TCF7L1: variants seen among roughly 807,000 people sequenced by gnomAD.
TCF7L1 encodes transcription factor 7 like 1.
In TCF7L1, 18 loss-of-function variants were observed where a neutral mutation model predicts 63.7. The ratio of observed to expected loss-of-function variants is 0.28; its 90% confidence interval spans 0.20 to 0.42. The LOEUF (loss-of-function observed/expected upper bound fraction) is 0.42, where lower values mean the gene tolerates loss of function less well. Among genes scored for constraint, TCF7L1 ranks in the 10% least tolerant of loss-of-function variants. The pLI is 1.00. For missense variants in TCF7L1, 654 were observed against 779.3 expected (o/e 0.84, Z 1.91); for synonymous variants, 355 against 340.9 (o/e 1.04, Z -0.46).
rs750953903 is a variant in TCF7L1, at chr2:85,302,582, C to T, written c.624C>T (p.Pro208=). Residue 208 remains proline, a synonymous_variant, in exon 5 of 12, where the codon CCC becomes CCT. Transcript: ENST00000282111. ...ACCACTTCTCCCCCGGCTCCCCTCC[C>T]ACCCACCTCTCCCCAGAGATCGATC... ...SNDHFSPGSP[P]THLSPEIDPK... 1 of 1,610,740 alleles carries T rather than the reference C, an allele frequency of 6.2e-7. No homozygotes were observed. The highest frequency in any genetic ancestry group is 1.1e-5 in the South Asian group (1 of 91,012).
intron 3 of TCF7L1, among the ~76,000 whole-genome samples, chr2:85,222,433 G>T (rs2104302381): frequency 1.3e-5 from 2 of 151,806 alleles, no homozygotes; most frequent in Admixed American, 1.3e-4. Context: ...ACTTTGGGAG[G>T]CCACGGTGTG....
chr2:85,193,968 TA>T (rs61625799), intron 3 of TCF7L1, among the ~76,000 whole-genome samples: 7,409 of 145,650 alleles, frequency 0.051, 204 homozygotes, highest in Middle Eastern at 0.055. Context: ...TTTAAAAGTT[TA>T]AAAAAAAAAA....
At chr2:85,308,898 T>C (rs959543623) in intron 11 of TCF7L1, 131 bp from the exon 12 acceptor site, 1 of 1,045,642 alleles carries the variant, frequency 9.6e-7, no homozygotes, top group Non-Finnish European at 1.4e-6. Context: ...TTGAAAGCCT[T>C]GGAAGTAATG....
At chr2:85,287,665 C>T (rs995465302) in intron 4 of TCF7L1, among the ~76,000 whole-genome samples, 2 of 152,144 alleles carry the variant, frequency 1.3e-5, no homozygotes, top group Non-Finnish European at 2.9e-5. Flanking sequence ...ACACAGGCCT[C>T]AAAAACTTAA....
chr2:85,291,501 C>T (rs1384704025), intron 4 of TCF7L1, among the ~76,000 whole-genome samples: 2 of 152,160 alleles, frequency 1.3e-5, no homozygotes, highest in South Asian at 2.1e-4. Context: ...ACCGGAAGCA[C>T]CTTTAACATC....
chr2:85,306,662 ATTTTC>A lies in TCF7L1; in HGVS notation c.1257+108_1257+112del. 1.1e-6 allele frequency: 1 copy of A among 944,778 alleles called. No individual in the cohort carries two copies. The highest frequency in any genetic ancestry group is 3.4e-4 in the Middle Eastern group (1 of 2,922). The allele number at this position is 944,778 out of a possible 1,614,324, so 58.5% of individuals were successfully genotyped here. A position where few individuals can be genotyped will look rare whatever the true frequency, so the allele number is the denominator to read the frequency against. ...AACTGCATTTATTTTTATTTATTTTATTTTCTTTTATTTTTTGAGACAGAGGCTCA... is the reference window on the plus strand; with the variant it reads ...AACTGCATTTATTTTTATTTATTTTATTTTATTTTTTGAGACAGAGGCTCA... On this transcript the variant is annotated intron_variant, in intron 10 of 11. Transcript: ENST00000282111. This position sits in a 1 kb window ranked among gnomAD's most constrained non-coding sequence, Gnocchi z 4.3.
At chr2:85,192,401 T>A (rs2568208) in intron 3 of TCF7L1, among the ~76,000 whole-genome samples, 42,786 of 152,036 alleles carry the variant, frequency 0.28, 6,406 homozygotes, top group Non-Finnish European at 0.35. Flanking sequence ...ATTTTTTTTT[T>A]ATTTATTTTT....
At chr2:85,166,233 C>T (rs1269427291) in intron 3 of TCF7L1, among the ~76,000 whole-genome samples, 7 of 152,174 alleles carry the variant, frequency 4.6e-5, no homozygotes, top group Admixed American at 3.3e-4. Flanking sequence ...GCTAGGTGGG[C>T]TATTATTTAC....
intron 7 of TCF7L1, 151 bp downstream of exon 7, chr2:85,304,489 C>T (rs1162890904): frequency 2.9e-5 from 20 of 691,802 alleles, no homozygotes; most frequent in South Asian, 3.8e-5. Context: ...TCACGTCCCG[C>T]GCTCCCCACC....
Position 85,299,860 on chromosome 2 carries a change from AACACAC to A in TCF7L1, c.526-2585_526-2580del, listed in dbSNP as rs61569778. Among the ~76,000 whole-genome samples, 177 of 92,762 alleles carry A rather than the reference AACACAC, an allele frequency of 1.9e-3. 2 individuals carry two copies. The highest frequency in any genetic ancestry group is 6.3e-3 in the Middle Eastern group (1 of 160). The allele number at this position is 92,762 out of a possible 152,430, so 60.9% of individuals were successfully genotyped here. On this transcript the variant is annotated intron_variant, in intron 4 of 11. Transcript: ENST00000282111. ...GGCAACAGAGCGAGACCTTGTCTCAAACACACACACACACACACACACACACACACA... is the reference window on the plus strand; with the variant it reads ...GGCAACAGAGCGAGACCTTGTCTCAAACACACACACACACACACACACACA...
At chr2:85,229,046 A>AAAAG (rs1680017107) in intron 3 of TCF7L1, among the ~76,000 whole-genome samples, 1 of 132,826 alleles carries the variant, frequency 7.5e-6, no homozygotes, top group Admixed American at 7.7e-5. Flanking sequence ...AAAAGAAAGG[A>AAAAG]AAAGAAATTA....
chr2:85,148,435 A>G (rs952510522), intron 3 of TCF7L1, among the ~76,000 whole-genome samples: 2 of 152,172 alleles, frequency 1.3e-5, no homozygotes, highest in African/African-American at 4.8e-5. Flanking sequence ...TTTGCAGAGC[A>G]CTGAATCCCA....
chr2:85,196,096 G>GC (rs1039466988), intron 3 of TCF7L1, among the ~76,000 whole-genome samples: 3 of 152,140 alleles, frequency 2.0e-5, no homozygotes, highest in African/African-American at 7.2e-5. Flanking sequence ...TGTTGATGTT[G>GC]CTGGCATTTC....
At chr2:85,193,101 C>T (rs531138557) in intron 3 of TCF7L1, among the ~76,000 whole-genome samples, 81 of 152,296 alleles carry the variant, frequency 5.3e-4, no homozygotes, top group Non-Finnish European at 9.8e-4. Context: ...GTTGTAACTC[C>T]GCTGACTGAC....
intron 3 of TCF7L1, among the ~76,000 whole-genome samples, chr2:85,207,726 C>A (rs1679442223): frequency 6.6e-6 from 1 of 151,888 alleles, no homozygotes; most frequent in African/African-American, 2.4e-5. Flanking sequence ...AAAAGTGATA[C>A]ACGTTCAGTA....
chr2:85,187,516 G>A (rs1678952757), intron 3 of TCF7L1, among the ~76,000 whole-genome samples: 1 of 152,182 alleles, frequency 6.6e-6, no homozygotes, highest in Admixed American at 6.5e-5. Flanking sequence ...TTTCATATAA[G>A]GTGTAATGTT....
At chr2:85,185,765 G>A (rs1164639742) in intron 3 of TCF7L1, among the ~76,000 whole-genome samples, 1 of 152,088 alleles carries the variant, frequency 6.6e-6, no homozygotes, top group Admixed American at 6.5e-5. Flanking sequence ...CCTGTGGCGG[G>A]TTTTTGTGAT....
At chr2:85,248,437 T>A (rs1680518217) in intron 3 of TCF7L1, among the ~76,000 whole-genome samples, 2 of 152,146 alleles carry the variant, frequency 1.3e-5, no homozygotes, top group African/African-American at 4.8e-5. Flanking sequence ...AGTAGCAGGA[T>A]CTGCAGCCAA....
intron 3 of TCF7L1, among the ~76,000 whole-genome samples, chr2:85,274,287 G>A (rs1394108477): frequency 6.6e-6 from 1 of 152,200 alleles, no homozygotes; most frequent in African/African-American, 2.4e-5. Flanking sequence ...GCAGAAATGC[G>A]GACTCGAAAG....
Sources: allele counts gnomAD v4.1 joint callset (sites outside exome capture counted in the v4.1 genomes callset), GRCh38; gene constraint gnomAD v4.1.1; non-coding constraint Gnocchi (gnomAD v3.1); transcripts MANE v1.5; gene names NCBI Gene and HGNC (gene_info 2026-07-23, HGNC 2026-07-21).